The following BEST1 variants were observed in gnomAD, a reference collection of about 807,000 sequenced individuals.
BEST1 encodes bestrophin 1, also known as bestrophin-1.
Under a neutral mutation model 63.3 loss-of-function variants are expected in BEST1, and 58 were observed. That is an observed-to-expected ratio of 0.92 (90% CI 0.74 to 1.14). BEST1 has a LOEUF of 1.14. Among genes scored for constraint, BEST1 ranks in the 50% most tolerant of loss-of-function variants. The pLI is 0.00. For synonymous variants in BEST1, 283 were observed against 291.6 expected, an observed-to-expected ratio of 0.97 and a Z score of 0.30; for missense variants, 671 against 740.1, an observed-to-expected ratio of 0.91 and a Z score of 1.08.
At chr11:61,957,294 T>G in intron 5 of BEST1, 93 bp from the exon 6 acceptor site, 2 of 1,201,206 alleles carry the variant, frequency 1.7e-6, no homozygotes, top group Non-Finnish European at 1.2e-6. Flanking sequence ...GGACCATAGG[T>G]ACCAGGCCCT....
intron 10 of BEST1, chr11:61,963,644 ATTGAAAAC>A: frequency 9.5e-7 from 1 of 1,052,236 alleles, no homozygotes; most frequent in Non-Finnish European, 1.1e-6. Flanking sequence ...AGCTATTATG[ATTGAAAAC>A]TTAAAAGGGC....
rs1942343207 is a variant in BEST1 at position 61,963,980 on chromosome 11, G to C, written c.1740-124G>C. ...TGCAATCCAGCCTGGGCGACGGAGTGAGACTGTCTCAAAAAAAAAAAAAAA... is the reference window on the plus strand; with the variant it reads ...TGCAATCCAGCCTGGGCGACGGAGTCAGACTGTCTCAAAAAAAAAAAAAAA... On this transcript the variant is annotated intron_variant, in intron 10 of 10. Transcript: ENST00000378043. The C allele has an allele frequency of 3.9e-6, 6 of 1,520,444 alleles. No homozygotes were observed. In the East Asian group the frequency reaches 1.4e-4, roughly 37 times the overall value. The allele number at this position is 1,520,444 out of a possible 1,614,324, so 94.2% of individuals were successfully genotyped here. A position where few individuals can be genotyped will look rare whatever the true frequency, so the allele number is the denominator to read the frequency against.
chr11:61,958,642 T>G, intron 7 of BEST1: 1 of 552,444 alleles, frequency 1.8e-6, no homozygotes, highest in East Asian at 3.3e-5. Flanking sequence ...CACCTCTCCT[T>G]ATTCAAGATG....
Position 61,959,968 on chromosome 11 carries a change from A to G in BEST1, c.1025A>G (p.Glu342Gly), listed in dbSNP as rs766115316. Residue 342 changes from glutamate to glycine, a missense_variant, in exon 9 of 11, where the codon GAG becomes GGG. Transcript: ENST00000378043. ...CCGGACATGTACTGGAATAAGCCCG[A>G]GCCACAGCCCCCCTACACAGCTGCT... ...MEPDMYWNKP[E>G]PQPPYTAASA... 1 of 1,612,738 alleles carries G rather than the reference A, an allele frequency of 6.2e-7. No individual in the cohort carries two copies. Among genetic ancestry groups the G allele is most frequent in the Non-Finnish European group, 8.5e-7 (1 of 1,179,528 alleles).
intron 10 of BEST1, chr11:61,963,155 T>C: frequency 6.9e-7 from 1 of 1,451,822 alleles, no homozygotes; most frequent in Non-Finnish European, 9.1e-7. Flanking sequence ...GATGAGGTTG[T>C]GCTGACCAGA....
intron 2 of BEST1, among the ~76,000 whole-genome samples, chr11:61,954,410 T>C (rs1941045965): frequency 6.6e-6 from 1 of 152,166 alleles, no homozygotes; most frequent in Admixed American, 6.5e-5. Flanking sequence ...TCAGGCAGAG[T>C]AGTTTCACTG....
intron 10 of BEST1, chr11:61,963,280 G>A: frequency 7.3e-7 from 1 of 1,371,162 alleles, no homozygotes; most frequent in South Asian, 2.0e-5. Context: ...TGAGGTGGCA[G>A]TCAGCTGGAT....
At position 61,955,220 on chromosome 11, in the gene BEST1, C is replaced by T; in HGVS notation, c.247+19C>T. On this transcript the variant is annotated intron_variant, in intron 3 of 10. Transcript: ENST00000378043. ...GTGCTGGGTGAGTTCCCCCTTCTGG[C>T]TGTTCCGGGTCCCTGTGGCCGCCCA... 8.1e-6 allele frequency: 13 copies of T among 1,611,550 alleles called. No homozygotes were observed. The highest frequency in any genetic ancestry group is 1.1e-5 in the Non-Finnish European group (13 of 1,178,668).
chr11:61,955,804 G>A lies in BEST1; in HGVS notation c.334G>A (p.Gly112Ser), dbSNP rs370284244. 16 of 1,550,316 alleles carry A rather than the reference G, an allele frequency of 1.0e-5. No homozygotes were observed. The African/African-American group carries it at 1.6e-4, about 16-fold the overall frequency. The change falls in exon 4 of 11, where the codon GGC becomes AGC. Residue 112 changes from glycine (G) to serine (S), a missense_variant. Physicochemically the swap from Gly to Ser is moderately conservative, Grantham distance 56. Transcript: ENST00000378043. ...CGACCGCCTCATGAGCCTGGTGTCG[G>A]GCTTCGTCGAAGGCAAGGACGAGCA... Reference protein sequence around the residue: ...WPDRLMSLVSGFVEGKDEQGR... With the variant: ...WPDRLMSLVSSFVEGKDEQGR...
At chr11:61,951,268 C>T (rs1333335769) in intron 1 of BEST1, among the ~76,000 whole-genome samples, 1 of 152,078 alleles carries the variant, frequency 6.6e-6, no homozygotes, top group Non-Finnish European at 1.5e-5. Context: ...AGTGCAATGG[C>T]GTGATCTCAG....
At position 61,962,841 on chromosome 11, in the gene BEST1, A is replaced by C. The variant is rs751287755; in HGVS notation, c.1687A>C (p.Ile563Leu). The C allele has an allele frequency of 1.9e-6, 3 of 1,614,152 alleles. 1 individual carries two copies. The South Asian group carries it at 3.3e-5, about 18-fold the overall frequency. The stretch of plus-strand genomic sequence containing the variant: ...ACCTTTGGAACAATCACCAACCAAC[A>C]TACACACTACACTCAAAGATCACAT... ...KEPLEQSPTN[I>L]HTTLKDHMDP... Residue 563 changes from isoleucine to leucine, a missense_variant, in exon 10 of 11, where the codon ATA becomes CTA. Ile to Leu is a conservative substitution (Grantham distance 5). Coordinates refer to ENST00000378043, the MANE Select transcript of BEST1 (RefSeq NM_004183.4).
chr11:61,960,158 C>A, intron 9 of BEST1, 115 bp downstream of exon 9: 2 of 1,333,444 alleles, frequency 1.5e-6, no homozygotes, highest in Non-Finnish European at 2.1e-6. Flanking sequence ...GTGTCAGGCA[C>A]TGTACTATGC....
intron 7 of BEST1, 43 bp from the exon 8 acceptor site, chr11:61,959,452 TGAG>T (rs770921728): frequency 4.4e-6 from 7 of 1,589,164 alleles, no homozygotes; most frequent in Non-Finnish European, 6.0e-6. Context: ...AAGCTGGCTT[TGAG>T]GAGTTCTGCC....
chr11:61,959,912 T>A lies in BEST1; in HGVS notation c.969T>A (p.Asp323Glu), dbSNP rs1941875734. ...RNLQVSLLAV[D>E]EMHQDLPRME... Reference sequence around the variant, plus strand: ...ACCAGGTGTCCCTGTTGGCTGTGGATGAGATGCACCAGGACCTGCCTCGGA... The same window carrying A: ...ACCAGGTGTCCCTGTTGGCTGTGGAAGAGATGCACCAGGACCTGCCTCGGA... The change falls in exon 9 of 11, where the codon GAT becomes GAA. Residue 323 changes from aspartate (D) to glutamate (E), a missense_variant. Physicochemically the swap from Asp to Glu is conservative, Grantham distance 45. Coordinates refer to ENST00000378043, the MANE Select transcript of BEST1 (RefSeq NM_004183.4). 11 of 1,612,488 alleles carry A rather than the reference T, an allele frequency of 6.8e-6. No homozygotes were observed. Among genetic ancestry groups the A allele is most frequent in the Non-Finnish European group, 9.3e-6 (11 of 1,178,688 alleles).
intron 10 of BEST1, chr11:61,963,610 G>GTTC: frequency 9.7e-7 from 1 of 1,027,126 alleles, no homozygotes; most frequent in Admixed American, 5.0e-5. Flanking sequence ...TTCTCAAGCA[G>GTTC]TTACTTTCAC....
chr11:61,963,940 G>A, intron 10 of BEST1, 164 bp from the exon 11 acceptor site: 1 of 1,459,180 alleles, frequency 6.9e-7, no homozygotes, highest in Non-Finnish European at 9.1e-7. Flanking sequence ...GGTGGTTGCA[G>A]TGAGATTGAG....
intron 2 of BEST1, among the ~76,000 whole-genome samples, chr11:61,953,846 A>T (rs195167): frequency 6.6e-6 from 1 of 152,088 alleles, no homozygotes; most frequent in African/African-American, 2.4e-5. Flanking sequence ...TGACTGTGCC[A>T]CTGCCCTTGA....
At chr11:61,956,046 CG>C in intron 4 of BEST1, 95 bp downstream of exon 4, 10 of 1,249,998 alleles carry the variant, frequency 8.0e-6, no homozygotes, top group East Asian at 2.6e-5. Context: ...CAAAGTCCCC[CG>C]GACTCGGGGG....
At chr11:61,953,965 A>T (rs1468605844) in intron 2 of BEST1, among the ~76,000 whole-genome samples, 1 of 152,230 alleles carries the variant, frequency 6.6e-6, no homozygotes, top group East Asian at 1.9e-4. Context: ...TAAAGGACAG[A>T]TATAATCACC....
Sources: allele counts gnomAD v4.1 joint callset (sites outside exome capture counted in the v4.1 genomes callset), GRCh38; gene constraint gnomAD v4.1.1; transcripts MANE v1.5; gene names NCBI Gene and HGNC (gene_info 2026-07-23, HGNC 2026-07-21).